FGF13: variants seen among roughly 807,000 people sequenced by gnomAD.
The protein encoded by FGF13 is fibroblast growth factor 13.
Under a neutral mutation model 19.5 loss-of-function variants are expected in FGF13, and 2 were observed. That is an observed-to-expected ratio of 0.10 (90% CI 0.04 to 0.32). FGF13 has a LOEUF of 0.32. Ranked by LOEUF, FGF13 falls within the 10% of genes least tolerant of loss-of-function variation. The pLI, the probability that FGF13 is intolerant of heterozygous loss-of-function variation, is 1.00. For missense variants in FGF13, 113 were observed against 192.7 expected, an observed-to-expected ratio of 0.59 and a Z score of 2.45; for synonymous variants, 72 against 76.9, an observed-to-expected ratio of 0.94 and a Z score of 0.33.
chrX:138,955,452 CA>C (rs1326926352), intron 1 of FGF13, among the ~76,000 whole-genome samples: 2 of 111,880 alleles, frequency 1.8e-5, no homozygotes, highest in Non-Finnish European at 3.8e-5. Flanking sequence ...TTTTAGTCCT[CA>C]AAAGACTCTC....
intron 1 of FGF13, among the ~76,000 whole-genome samples, chrX:139,070,259 CA>C (rs756758760): frequency 1.8e-5 from 2 of 111,490 alleles, no homozygotes; most frequent in Non-Finnish European, 3.8e-5. Context: ...CCAGGATCTA[CA>C]AAAAATTTAA....
chrX:138,678,229 AGTGGGGAGG>A (rs1011412472), intron 3 of FGF13, among the ~76,000 whole-genome samples: 41 of 108,874 alleles, frequency 3.8e-4, no homozygotes, highest in African/African-American at 1.3e-3. Context: ...GGGTGGGGAG[AGTGGGGAGG>A]GATAGCACTG....
Position 138,959,402 on chromosome X carries a change from G to A in FGF13, c.-112-94752C>T, listed in dbSNP as rs1333342178. Among the ~76,000 whole-genome samples, 2 of 111,612 alleles carry A rather than the reference G, an allele frequency of 1.8e-5. 1 individual carries two copies. The highest frequency in any genetic ancestry group is 6.5e-5 in the African/African-American group (2 of 30,730). On this transcript the variant is annotated intron_variant, in intron 1 of 2. Coordinates refer to the FGF13 transcript ENST00000421460. ...TCTGAGAGACAGTTTGTTATTATTT[G>A]TGTTCTTTTACATTTGCTGAGGAGT...
chrX:138,815,065 A>G (rs1181676806), intron 3 of FGF13, among the ~76,000 whole-genome samples: 1 of 111,319 alleles, frequency 9.0e-6, no homozygotes, highest in African/African-American at 3.3e-5. Context: ...GGAGGGCATC[A>G]TGTTAAGTTA....
chrX:139,145,249 G>T (rs2083878532), intron 1 of FGF13, among the ~76,000 whole-genome samples: 1 of 111,173 alleles, frequency 9.0e-6, no homozygotes, highest in Non-Finnish European at 1.9e-5. Context: ...CTAGTGAGGA[G>T]GAATCAAATC....
At chrX:138,671,061 C>G (rs1322113813) in intron 3 of FGF13, among the ~76,000 whole-genome samples, 3 of 110,620 alleles carry the variant, frequency 2.7e-5, no homozygotes, top group African/African-American at 9.9e-5. Flanking sequence ...ATCATCATTT[C>G]CATTATTAAT....
intron 1 of FGF13, among the ~76,000 whole-genome samples, chrX:138,906,133 C>G (rs2091557345): frequency 9.0e-6 from 1 of 111,412 alleles, no homozygotes; most frequent in Non-Finnish European, 1.9e-5. Context: ...ATCATTGTCC[C>G]CAGGCTGATG....
At chrX:139,125,076 T>A (rs898922431) in intron 1 of FGF13, among the ~76,000 whole-genome samples, 4 of 112,082 alleles carry the variant, frequency 3.6e-5, no homozygotes, top group African/African-American at 1.3e-4. Context: ...TCTTTTAATT[T>A]TTTTTCAAAA....
chrX:139,116,726 A>C (rs897844866), intron 1 of FGF13, among the ~76,000 whole-genome samples: 2 of 110,937 alleles, frequency 1.8e-5, no homozygotes, highest in Non-Finnish European at 3.8e-5. Flanking sequence ...CATGTTCACC[A>C]GAAAAAGAGA....
intron 1 of FGF13, among the ~76,000 whole-genome samples, chrX:138,982,748 T>C (rs1446577922): frequency 8.9e-6 from 1 of 112,185 alleles, no homozygotes; most frequent in African/African-American, 3.2e-5. Flanking sequence ...GCCAAGGTTC[T>C]CATCCAGGCT....
At chrX:138,860,838 G>A (rs1045083182) in intron 2 of FGF13, among the ~76,000 whole-genome samples, 2 of 112,211 alleles carry the variant, frequency 1.8e-5, no homozygotes, top group African/African-American at 6.5e-5. Flanking sequence ...AGGCCTTTGG[G>A]GGGAAATTTT....
chrX:138,711,375 C>CGG lies in FGF13; in HGVS notation c.-373_-372insCC, dbSNP rs2090046328. 1.1e-5 allele frequency: 5 copies of CGG among 451,013 alleles called. No individual in the cohort carries two copies. In the African/African-American group the frequency reaches 5.3e-4, roughly 48 times the overall value. 37.2% of individuals were successfully genotyped at this position (451,013 alleles called of 1,213,427 possible). ...TCCAGCTGCTCCGGTCCGAATTTCG[C>CGG]CGGACCCCCTCGCCCTGTTGCCCTT... is the stretch of plus-strand genomic sequence containing the variant. On this transcript the variant is annotated 5_prime_UTR_variant, in exon 1 of 5. Coordinates refer to ENST00000315930, the MANE Select transcript of FGF13 (RefSeq NM_004114.5).
At chrX:138,694,456 T>C (rs12858677) in intron 3 of FGF13, among the ~76,000 whole-genome samples, 94 of 94,599 alleles carry the variant, frequency 9.9e-4, no homozygotes, top group Middle Eastern at 0.01. Flanking sequence ...CTTTTCTTTT[T>C]TTTTTTTTTT....
chrX:138,857,573 A>G, exon 3 of FGF13: 1 of 1,206,661 alleles, frequency 8.3e-7, no homozygotes, highest in East Asian at 3.0e-5. Flanking sequence ...AGATTTCGTG[A>G]CACTTAGCAC....
chrX:138,640,873 C>T (rs2089243248), intron 3 of FGF13, among the ~76,000 whole-genome samples: 1 of 111,556 alleles, frequency 9.0e-6, no homozygotes, highest in Non-Finnish European at 1.9e-5. Flanking sequence ...CATGTGTGTC[C>T]GTATCTCAGC....
At chrX:138,677,524 G>A (rs1187535823) in intron 3 of FGF13, among the ~76,000 whole-genome samples, 1 of 111,321 alleles carries the variant, frequency 9.0e-6, no homozygotes, top group Non-Finnish European at 1.9e-5. Context: ...CAAAGGACAT[G>A]AACAGACACT....
chrX:139,104,245 G>A (rs1468282631), intron 1 of FGF13, among the ~76,000 whole-genome samples: 6 of 110,688 alleles, frequency 5.4e-5, no homozygotes, highest in Non-Finnish European at 9.4e-5. Context: ...AAATTCAGAG[G>A]AGCAGTCTGT....
chrX:139,084,207 T>C (rs2083389577), intron 1 of FGF13, among the ~76,000 whole-genome samples: 1 of 104,376 alleles, frequency 9.6e-6, no homozygotes, highest in Non-Finnish European at 2.0e-5. Context: ...AAAGAGAAAA[T>C]GGGGAAGAGG....
At chrX:139,204,057 AC>A (rs1175162883), upstream of FGF13, 4 of 1,209,707 alleles carry the variant, frequency 3.3e-6, no homozygotes, top group Non-Finnish European at 4.5e-6. Flanking sequence ...GGGCGGGCTT[AC>A]CCTTAGAAGC....
Sources: gnomAD v4.1 joint callset for allele counts (sites outside exome capture counted in the v4.1 genomes callset) on GRCh38, gnomAD v4.1.1 for gene constraint, MANE v1.5 for transcripts, NCBI Gene and HGNC (gene_info 2026-07-23, HGNC 2026-07-21) for gene names.